CADM2: variants seen among roughly 807,000 people sequenced by gnomAD.
CADM2 encodes immunoglobulin superfamily member 4D.
A neutral mutation model predicts 49.8 loss-of-function variants in CADM2; 12 were observed. The observed-to-expected ratio is 0.24, with a 90% CI of 0.15 to 0.39. The LOEUF (loss-of-function observed/expected upper bound fraction) is 0.39, where lower values mean the gene tolerates loss of function less well. Among genes scored for constraint, CADM2 ranks in the 10% least tolerant of loss-of-function variants. The probability of loss-of-function intolerance (pLI) is 1.00; values close to 1 mark genes in which losing one functional copy is unlikely to be tolerated. For synonymous variants in CADM2, 214 were observed against 175.4 expected, an observed-to-expected ratio of 1.22 and a Z score of -1.74; for missense variants, 378 against 492.3, an observed-to-expected ratio of 0.77 and a Z score of 2.20.
At chr3:84,976,594 G>A (rs1345971351) in intron 1 of CADM2, among the ~76,000 whole-genome samples, 1 of 151,754 alleles carries the variant, frequency 6.6e-6, no homozygotes, top group Admixed American at 6.6e-5. Context: ...AGTAAAGTTA[G>A]ACACTAAACA....
At chr3:85,962,536 A>C (rs1464607163) in intron 8 of CADM2, among the ~76,000 whole-genome samples, 2 of 151,952 alleles carry the variant, frequency 1.3e-5, no homozygotes, top group Non-Finnish European at 2.9e-5. Context: ...GAGTGAATAA[A>C]ATTTCTGTTT....
chr3:85,988,389 CTGAAATAT>C (rs1728370520), intron 8 of CADM2, among the ~76,000 whole-genome samples: 2 of 152,238 alleles, frequency 1.3e-5, no homozygotes, highest in South Asian at 4.1e-4. Context: ...TGAATACCTT[CTGAAATAT>C]GTACATAACA....
chr3:85,354,352 G>T (rs867301071), intron 1 of CADM2, among the ~76,000 whole-genome samples: 3 of 116,150 alleles, frequency 2.6e-5, no homozygotes, highest in Non-Finnish European at 5.1e-5. Flanking sequence ...GGGGACTGTT[G>T]TGGGGTGGGG....
At chr3:85,207,290 C>T (rs1243582179) in intron 1 of CADM2, among the ~76,000 whole-genome samples, 2 of 152,048 alleles carry the variant, frequency 1.3e-5, no homozygotes, top group African/African-American at 4.8e-5. Flanking sequence ...TCTCAGAAAA[C>T]GGATAAATGA....
chr3:85,639,680 A>G (rs560559187), intron 1 of CADM2, among the ~76,000 whole-genome samples: 4 of 152,298 alleles, frequency 2.6e-5, no homozygotes, highest in South Asian at 4.1e-4. Context: ...TGGATTGAAC[A>G]AGTGTTTGTA....
intron 1 of CADM2, among the ~76,000 whole-genome samples, chr3:85,538,085 AT>A (rs2061463362): frequency 6.6e-6 from 1 of 152,126 alleles, no homozygotes; most frequent in Admixed American, 6.6e-5. Flanking sequence ...AAACCAAGAT[AT>A]ATAAGATTTG....
intron 1 of CADM2, among the ~76,000 whole-genome samples, chr3:85,329,532 G>T (rs1306936445): frequency 6.6e-6 from 1 of 151,912 alleles, no homozygotes; most frequent in Non-Finnish European, 1.5e-5. Flanking sequence ...ATTGCACGGA[G>T]CCGAGATTGC....
chr3:85,407,015 G>A (rs2035413148), intron 1 of CADM2, among the ~76,000 whole-genome samples: 1 of 151,928 alleles, frequency 6.6e-6, no homozygotes, highest in African/African-American at 2.4e-5. Flanking sequence ...GGGCAGCATA[G>A]GGAGACCTTG....
At chr3:85,941,553 A>C (rs920296599) in intron 7 of CADM2, among the ~76,000 whole-genome samples, 1 of 152,046 alleles carries the variant, frequency 6.6e-6, no homozygotes, top group African/African-American at 2.4e-5. Flanking sequence ...TAAAATCCAA[A>C]ATAGTTAAAA....
At chr3:86,005,357 C>T (rs1374242025) in intron 8 of CADM2, among the ~76,000 whole-genome samples, 2 of 151,992 alleles carry the variant, frequency 1.3e-5, no homozygotes, top group Non-Finnish European at 2.9e-5. Flanking sequence ...TTGAGACCAG[C>T]CTGGCCAAAA....
At chr3:86,059,095 C>CAA (rs10712762) in intron 8 of CADM2, among the ~76,000 whole-genome samples, 181 of 128,586 alleles carry the variant, frequency 1.4e-3, no homozygotes, top group East Asian at 8.3e-3. Flanking sequence ...CTCCATCTTA[C>CAA]AAAAAAAAAA....
At chr3:85,280,125 CTGA>C (rs2043465051) in intron 1 of CADM2, among the ~76,000 whole-genome samples, 1 of 151,610 alleles carries the variant, frequency 6.6e-6, no homozygotes, top group African/African-American at 2.4e-5. Flanking sequence ...TTACATTAAG[CTGA>C]TAACAACTTA....
At chr3:85,160,092 C>A (rs992196832) in intron 1 of CADM2, among the ~76,000 whole-genome samples, 2 of 152,066 alleles carry the variant, frequency 1.3e-5, no homozygotes, top group African/African-American at 4.8e-5. Context: ...GTAGCTAAAA[C>A]GGCTTTAAAA....
chr3:85,946,370 A>T (rs1463079186), intron 7 of CADM2, among the ~76,000 whole-genome samples: 1 of 151,806 alleles, frequency 6.6e-6, no homozygotes, highest in Admixed American at 6.6e-5. Context: ...TAATTTATAG[A>T]TTCAATGCCA....
chr3:85,172,087 A>G (rs1488225169), intron 1 of CADM2, among the ~76,000 whole-genome samples: 1 of 152,180 alleles, frequency 6.6e-6, no homozygotes, highest in Non-Finnish European at 1.5e-5. Context: ...CTGTGCCATT[A>G]AGTTATTATT....
intron 1 of CADM2, among the ~76,000 whole-genome samples, chr3:85,551,767 C>T (rs73843650): frequency 0.016 from 2,399 of 152,170 alleles, 75 homozygotes; most frequent in African/African-American, 0.055. Flanking sequence ...TCTGTACTCT[C>T]TTTTTCAAAA....
In CADM2 at chr3:86,073,661, T is replaced by C. The variant is rs1703400797; in HGVS notation, c.*6878T>C. 6.6e-6 allele frequency: 1 copy of C among 152,070 alleles called. No homozygotes were observed. Among genetic ancestry groups the C allele is most frequent in the Non-Finnish European group, 1.5e-5 (1 of 67,924 alleles). 9.4% of individuals were successfully genotyped at this position (152,070 alleles called of 1,614,324 possible). A position where few individuals can be genotyped will look rare whatever the true frequency, so the allele number is the denominator to read the frequency against. On this transcript the variant is annotated 3_prime_UTR_variant, in exon 10 of 10. Coordinates refer to ENST00000383699, the MANE Select transcript of CADM2 (RefSeq NM_001167675.2). ...ATTTTAGTTATCTGTTGGACATTAC[T>C]GAATTGTCTATTCATTTAGTACATT...
At chr3:85,315,856 C>G (rs965137480) in intron 1 of CADM2, among the ~76,000 whole-genome samples, 2 of 152,006 alleles carry the variant, frequency 1.3e-5, no homozygotes, top group African/African-American at 4.8e-5. Flanking sequence ...AATTTTGACA[C>G]AGTAATTCAT....
chr3:85,100,057 T>G (rs1263014171), intron 1 of CADM2, among the ~76,000 whole-genome samples: 1 of 152,182 alleles, frequency 6.6e-6, no homozygotes, highest in Non-Finnish European at 1.5e-5. Flanking sequence ...TGAGGAACTT[T>G]GGTGACTATT....
Sources: allele counts gnomAD v4.1 joint callset (sites outside exome capture counted in the v4.1 genomes callset), GRCh38; gene constraint gnomAD v4.1.1; transcripts MANE v1.5; gene names NCBI Gene and HGNC (gene_info 2026-07-23, HGNC 2026-07-21).